Variants in CCDC186 observed in about 807,000 individuals in gnomAD.
The protein encoded by CCDC186 is coiled-coil domain containing 186.
Under a neutral mutation model 113.7 loss-of-function variants are expected in CCDC186, and 49 were observed. The observed-to-expected ratio is 0.43, with a 90% CI of 0.34 to 0.55. The LOEUF (loss-of-function observed/expected upper bound fraction) is 0.55. CCDC186 is among the 20% of genes least tolerant of loss of function. The pLI is 0.02. For synonymous variants in CCDC186, 355 were observed against 345.8 expected, an observed-to-expected ratio of 1.03 and a Z score of -0.30; for missense variants, 890 against 1,011.1, an observed-to-expected ratio of 0.88 and a Z score of 1.62.
At chr10:114,173,854 C>A (rs1217907199) in intron 1 of CCDC186, among the ~76,000 whole-genome samples, 161 bp downstream of exon 1, 2 of 152,256 alleles carry the variant, frequency 1.3e-5, no homozygotes, top group African/African-American at 4.8e-5. Flanking sequence ...CCTCCGCGCC[C>A]TCAAAGGAGC....
chr10:114,142,483 G>A (rs2031500877), intron 6 of CCDC186, among the ~76,000 whole-genome samples: 1 of 152,186 alleles, frequency 6.6e-6, no homozygotes, highest in Non-Finnish European at 1.5e-5. Flanking sequence ...GTAGCAACCA[G>A]GTAGGCAAAC....
intron 6 of CCDC186, among the ~76,000 whole-genome samples, chr10:114,143,500 T>A (rs1209077206): frequency 6.6e-6 from 1 of 152,206 alleles, no homozygotes; most frequent in Non-Finnish European, 1.5e-5. Context: ...CTCCAGAGAC[T>A]GTCATCCTCC....
chr10:114,156,636 A>G (rs2032019361), intron 3 of CCDC186, among the ~76,000 whole-genome samples: 1 of 152,238 alleles, frequency 6.6e-6, no homozygotes, highest in Non-Finnish European at 1.5e-5. Flanking sequence ...CTGAGGCAGA[A>G]GAATCACTTG....
chr10:114,138,551 T>C (rs985924291), intron 6 of CCDC186, among the ~76,000 whole-genome samples: 1 of 151,984 alleles, frequency 6.6e-6, no homozygotes, highest in Non-Finnish European at 1.5e-5. Flanking sequence ...TCCCAAACTG[T>C]CTTTTTATAG....
chr10:114,152,362 G>C (rs2031882010), intron 3 of CCDC186, among the ~76,000 whole-genome samples: 1 of 150,856 alleles, frequency 6.6e-6, no homozygotes, highest in African/African-American at 2.4e-5. Context: ...AGGATGAAAA[G>C]GGCATTCACT....
In CCDC186 at chr10:114,124,511, T is replaced by A. The variant is rs2030827384; in HGVS notation, c.*632A>T. The A allele has an allele frequency of 6.6e-6, 1 of 152,122 alleles. No homozygotes were observed. The highest frequency in any genetic ancestry group is 6.5e-5 in the Admixed American group (1 of 15,280). The allele number at this position is 152,122 out of a possible 1,614,324, so 9.4% of individuals were successfully genotyped here. A position where few individuals can be genotyped will look rare whatever the true frequency, so the allele number is the denominator to read the frequency against. ...CAACCATTAACTCAAACAATCAGAA[T>A]CTGAAAAAATGTACCTAAAACAGAT... On this transcript the variant is annotated 3_prime_UTR_variant, in exon 16 of 16. Transcript: ENST00000369287.
chr10:114,165,348 A>T, intron 1 of CCDC186, among the ~76,000 whole-genome samples: 1 of 151,174 alleles, frequency 6.6e-6, no homozygotes, highest in African/African-American at 2.5e-5. Flanking sequence ...AATAATTCTC[A>T]AACAGAGGCA....
chr10:114,161,389 T>C (rs2032162816), intron 2 of CCDC186, among the ~76,000 whole-genome samples: 1 of 152,170 alleles, frequency 6.6e-6, no homozygotes, highest in African/African-American at 2.4e-5. Context: ...ACCAGGCACC[T>C]AATTATCAGC....
Position 114,144,432 on chromosome 10 carries a change from C to A in CCDC186, c.1221+65G>T, listed in dbSNP as rs1048772993. 14 of 1,498,096 alleles carry A rather than the reference C, an allele frequency of 9.3e-6. No homozygotes were observed. In the East Asian group the frequency reaches 2.1e-4, roughly 23 times the overall value. The allele number at this position is 1,498,096 out of a possible 1,614,324, so 92.8% of individuals were successfully genotyped here. A position where few individuals can be genotyped will look rare whatever the true frequency, so the allele number is the denominator to read the frequency against. On this transcript the variant is annotated intron_variant, in intron 6 of 15. Transcript: ENST00000369287. ...GCGAGACTCCGTCTCAAAAAAAAAACAAAAACAAAAACAAAAACAAAAAAA... is the reference window on the plus strand; with the variant it reads ...GCGAGACTCCGTCTCAAAAAAAAAAAAAAAACAAAAACAAAAACAAAAAAA...
chr10:114,167,548 T>C (rs916303397), intron 1 of CCDC186, among the ~76,000 whole-genome samples: 1 of 151,956 alleles, frequency 6.6e-6, no homozygotes, highest in African/African-American at 2.4e-5. Flanking sequence ...CCAAGCTTTT[T>C]TGGGGGAGAG....
At chr10:114,145,814 A>G (rs2031622727) in intron 4 of CCDC186, 53 bp from the exon 5 acceptor site, 7 of 1,459,722 alleles carry the variant, frequency 4.8e-6, no homozygotes, top group Non-Finnish European at 6.5e-6. Context: ...TCAAATGGAA[A>G]TGTATTGAAA....
At position 114,157,644 on chromosome 10, in the gene CCDC186, G is replaced by A. The variant is rs146089301; in HGVS notation, c.669C>T (p.Phe223=). 1.4e-5 allele frequency: 22 copies of A among 1,604,868 alleles called. No individual in the cohort carries two copies. The highest frequency in any genetic ancestry group is 1.4e-5 in the Non-Finnish European group (17 of 1,175,940). The change falls in exon 3 of 16, where the codon TTC becomes TTT. Residue 223 remains phenylalanine, a synonymous_variant. Transcript: ENST00000369287. ...IKENKKHQEL[F]VDICSEKDNL... Reference sequence around the variant, plus strand: ...TGTCTTTTTCTGAACAAATGTCTACGAAGAGCTCCTGATGCTTCTTATTTT... The same window carrying A: ...TGTCTTTTTCTGAACAAATGTCTACAAAGAGCTCCTGATGCTTCTTATTTT...
intron 6 of CCDC186, among the ~76,000 whole-genome samples, chr10:114,140,900 C>CT (rs34725526): frequency 2.1e-3 from 300 of 145,674 alleles, no homozygotes; most frequent in South Asian, 6.3e-3. Flanking sequence ...ATTTCTGAAT[C>CT]TTTTTTTTTT....
chr10:114,160,549 G>A (rs936149060), intron 2 of CCDC186, among the ~76,000 whole-genome samples: 2 of 152,094 alleles, frequency 1.3e-5, no homozygotes, highest in African/African-American at 4.8e-5. Context: ...CACACACAAA[G>A]GTAACTGTGA....
rs887828888 is a variant in CCDC186, at chr10:114,151,110, C to T, written c.870G>A (p.Met290Ile). The T allele has an allele frequency of 1.9e-6, 3 of 1,613,104 alleles. No homozygotes were observed. The highest frequency in any genetic ancestry group is 3.3e-5 in the Admixed American group (2 of 59,870). The change falls in exon 4 of 16, where the codon ATG (methionine) becomes ATA (isoleucine). Residue 290 changes from methionine (M) to isoleucine (I), a missense_variant. Physicochemically the swap from Met to Ile is conservative, Grantham distance 10. Coordinates refer to ENST00000369287, the MANE Select transcript of CCDC186 (RefSeq NM_018017.4). ...GAAATACCTGTTCCATCCGTTGGGC[C>T]ATCTCTTTGTGTAACTGCTGAACTG... ...KNAVQQLHKE[M>I]AQRMEQANKK...
rs151279062 is a variant in CCDC186 at position 114,157,033 on chromosome 10, G to A, written c.759+521C>T. ...ACTACATGCAGTACAGGAGTCACAT[G>A]CATAAGAATAAACTTACATAAAAGG... On this transcript the variant is annotated intron_variant, in intron 3 of 15. Transcript: ENST00000369287. 1.1e-4 allele frequency among the ~76,000 whole-genome samples: 16 copies of A among 152,236 alleles called. 1 individual carries two copies. In the East Asian group the frequency reaches 1.9e-3, roughly 18 times the overall value.
At chr10:114,138,091 T>A (rs1267382385) in intron 6 of CCDC186, among the ~76,000 whole-genome samples, 1 of 109,572 alleles carries the variant, frequency 9.1e-6, no homozygotes, top group Non-Finnish European at 1.8e-5. Flanking sequence ...AATACACAAA[T>A]TAGCCAGGCA....
intron 3 of CCDC186, among the ~76,000 whole-genome samples, chr10:114,155,714 T>C (rs2031991850): frequency 6.6e-6 from 1 of 151,960 alleles, no homozygotes; most frequent in Non-Finnish European, 1.5e-5. Flanking sequence ...AAAATAAAAA[T>C]TACAAACAAG....
At chr10:114,149,294 G>A (rs1355079053) in intron 4 of CCDC186, among the ~76,000 whole-genome samples, 2 of 152,010 alleles carry the variant, frequency 1.3e-5, no homozygotes, top group Non-Finnish European at 2.9e-5. Context: ...AGCAGTGAGT[G>A]CAGTACATTG....
Sources: gnomAD v4.1 joint callset for allele counts (sites outside exome capture counted in the v4.1 genomes callset) on GRCh38, gnomAD v4.1.1 for gene constraint, MANE v1.5 for transcripts, NCBI Gene and HGNC (gene_info 2026-07-23, HGNC 2026-07-21) for gene names.